WBP2NL: variants seen among roughly 807,000 people sequenced by gnomAD.
The protein encoded by WBP2NL is postacrosomal sheath WW domain-binding protein.
A neutral mutation model predicts 23.3 loss-of-function variants in WBP2NL; 27 were observed. The ratio of observed to expected loss-of-function variants is 1.16; its 90% CI spans 0.85 to 1.60. WBP2NL has a LOEUF of 1.60. Ranked by LOEUF, WBP2NL falls within the 40% of genes most tolerant of loss-of-function variation. The pLI is 0.00. For missense variants in WBP2NL, 370 were observed against 389.5 expected (o/e 0.95, Z 0.42); for synonymous variants, 151 against 145.9 (o/e 1.03, Z -0.25).
chr22:42,020,060 G>A lies in WBP2NL; in HGVS notation c.370G>A (p.Glu124Lys). The A allele has an allele frequency of 6.2e-7, 1 of 1,614,132 alleles. No individual in the cohort carries two copies. Among genetic ancestry groups the A allele is most frequent in the East Asian group, 2.2e-5 (1 of 44,888 alleles). ...AGTCTTCAGAAATGGAGATGCCATTGAATTTGCCCAGTTGATGGTGAAAGC... is the reference window on the plus strand; with the variant it reads ...AGTCTTCAGAAATGGAGATGCCATTAAATTTGCCCAGTTGATGGTGAAAGC... The part of the protein sequence containing the change: ...KLVFRNGDAI[E>K]FAQLMVKAAS... The change falls in exon 4 of 6, where the codon GAA becomes AAA. Residue 124 changes from glutamate to lysine, a missense_variant. By Grantham distance (56) the Glu-to-Lys change is moderately conservative. Transcript: ENST00000328823.
chr22:42,022,951 C>T (rs972084239), intron 5 of WBP2NL, among the ~76,000 whole-genome samples: 6 of 152,120 alleles, frequency 3.9e-5, no homozygotes, highest in South Asian at 2.1e-4. Flanking sequence ...AACTTAAAGG[C>T]TACTTATTTG....
chr22:42,014,108 G>T (rs1029304032), intron 1 of WBP2NL, among the ~76,000 whole-genome samples: 4 of 151,074 alleles, frequency 2.6e-5, no homozygotes, highest in Middle Eastern at 3.3e-3. Context: ...TTTAGTAGAG[G>T]TGAGGTTTCA....
chr22:42,032,863 T>C (rs1925036981), downstream of WBP2NL: 1 of 252,586 alleles, frequency 4.0e-6, no homozygotes, highest in African/African-American at 2.3e-5. Context: ...TAGTAGCCAA[T>C]ATAAGAAACT....
chr22:42,057,922 T>A (rs1468865514), intron 8 of WBP2NL, among the ~76,000 whole-genome samples: 5 of 81,018 alleles, frequency 6.2e-5, no homozygotes, highest in African/African-American at 1.6e-4. Flanking sequence ...TTTTTTTTTT[T>A]TTTTTTTTTT....
chr22:42,007,562 C>T (rs1267214608), intron 1 of WBP2NL, among the ~76,000 whole-genome samples: 1 of 152,102 alleles, frequency 6.6e-6, no homozygotes, highest in East Asian at 1.9e-4. Flanking sequence ...TCCCTCTATC[C>T]CTCTCCCCAT....
intron 1 of WBP2NL, among the ~76,000 whole-genome samples, chr22:42,002,147 A>G (rs991329133): frequency 6.6e-6 from 1 of 152,220 alleles, no homozygotes; most frequent in African/African-American, 2.4e-5. Context: ...GTTTTAAAAA[A>G]CAAAACACAG....
chr22:42,055,917 G>C (rs946518514), intron 8 of WBP2NL, among the ~76,000 whole-genome samples: 1 of 149,834 alleles, frequency 6.7e-6, no homozygotes, highest in Non-Finnish European at 1.5e-5. Flanking sequence ...TCCAACTTAT[G>C]TCTTTGAGTC....
intron 4 of WBP2NL, among the ~76,000 whole-genome samples, chr22:42,021,794 T>C (rs1924004374): frequency 6.7e-6 from 1 of 149,968 alleles, no homozygotes; most frequent in African/African-American, 2.5e-5. Flanking sequence ...TCTTTCTTTT[T>C]TTTTTTTTTT....
intron 8 of WBP2NL, among the ~76,000 whole-genome samples, chr22:42,053,652 G>A (rs547643223): frequency 1.3e-5 from 2 of 152,020 alleles, no homozygotes; most frequent in Admixed American, 6.6e-5. Flanking sequence ...TAGAGACAGG[G>A]TTTTACTATG....
chr22:42,022,065 G>T (rs948152050), intron 4 of WBP2NL, among the ~76,000 whole-genome samples, 184 bp from the exon 5 acceptor site: 1 of 152,114 alleles, frequency 6.6e-6, no homozygotes, highest in Non-Finnish European at 1.5e-5. Context: ...CTCCTAAAAT[G>T]TTGGGATTAC....
At chr22:42,048,430 G>A (rs1407724738) in intron 8 of WBP2NL, among the ~76,000 whole-genome samples, 5 of 150,068 alleles carry the variant, frequency 3.3e-5, no homozygotes, top group Non-Finnish European at 5.9e-5. Context: ...TACAGAAAAA[G>A]CTCTTAAAAA....
downstream of WBP2NL, among the ~76,000 whole-genome samples, chr22:42,037,849 G>C (rs1925246066): frequency 1.1e-5 from 1 of 89,636 alleles, no homozygotes; most frequent in African/African-American, 5.7e-5. Flanking sequence ...GAGAGAGTGA[G>C]AGTGTGTGTG....
chr22:42,045,162 G>A (rs1248206899), intron 8 of WBP2NL, among the ~76,000 whole-genome samples: 1 of 152,068 alleles, frequency 6.6e-6, no homozygotes, highest in Non-Finnish European at 1.5e-5. Context: ...ACCTCGGCCG[G>A]GCGCGGTGGC....
At chr22:42,016,659 C>A (rs551595872) in intron 1 of WBP2NL, among the ~76,000 whole-genome samples, 11 of 152,126 alleles carry the variant, frequency 7.2e-5, no homozygotes, top group Non-Finnish European at 1.5e-4. Context: ...TTATTTATTG[C>A]TTTTATGGCT....
Position 42,027,108 on chromosome 22 carries a change from A to G in WBP2NL, c.857A>G (p.Glu286Gly). 5.0e-6 allele frequency: 8 copies of G among 1,614,240 alleles called. No homozygotes were observed. The highest frequency in any genetic ancestry group is 6.8e-6 in the Non-Finnish European group (8 of 1,180,040). Residue 286 changes from glutamate (E) to glycine (G), a missense_variant, in exon 6 of 6, where the codon GAA (glutamate) becomes GGA (glycine). By Grantham distance (98) the Glu-to-Gly change is moderately conservative. Coordinates refer to ENST00000328823, the MANE Select transcript of WBP2NL (RefSeq NM_152613.3). ...SPAGSGARPQ[E>G]STAAQAPENE... is the part of the protein sequence containing the mutation. Reference sequence around the variant, plus strand: ...GCTGGATCAGGAGCCAGGCCTCAGGAATCTACAGCAGCCCAGGCTCCTGAA... The same window carrying G: ...GCTGGATCAGGAGCCAGGCCTCAGGGATCTACAGCAGCCCAGGCTCCTGAA...
intron 8 of WBP2NL, among the ~76,000 whole-genome samples, chr22:42,056,212 AC>A (rs1183798973): frequency 1.3e-5 from 2 of 152,134 alleles, no homozygotes; most frequent in Non-Finnish European, 2.9e-5. Flanking sequence ...CATAGGGATT[AC>A]CATTAACATC....
At chr22:42,033,432 A>G (rs1925065889), downstream of WBP2NL, among the ~76,000 whole-genome samples, 2 of 152,178 alleles carry the variant, frequency 1.3e-5, no homozygotes, top group Non-Finnish European at 2.9e-5. Flanking sequence ...AGCAAGGGGC[A>G]TGTCTCAACC....
chr22:42,056,223 C>G (rs1358327811), intron 8 of WBP2NL, among the ~76,000 whole-genome samples: 2 of 152,074 alleles, frequency 1.3e-5, no homozygotes, highest in African/African-American at 2.4e-5. Flanking sequence ...CCATTAACAT[C>G]TTATTCTGAA....
chr22:42,042,863 A>C (rs1192389144), intron 8 of WBP2NL, among the ~76,000 whole-genome samples: 3 of 152,050 alleles, frequency 2.0e-5, no homozygotes, highest in Non-Finnish European at 2.9e-5. Flanking sequence ...GTTCGAGATG[A>C]CCAGCTTGGG....
Sources: allele counts gnomAD v4.1 joint callset (sites outside exome capture counted in the v4.1 genomes callset), GRCh38; gene constraint gnomAD v4.1.1; transcripts MANE v1.5; gene names NCBI Gene and HGNC (gene_info 2026-07-23, HGNC 2026-07-21).